The following RANGAP1 variants were observed in gnomAD, a reference collection of about 807,000 sequenced individuals.
The protein encoded by RANGAP1 is Ran GTPase activating protein 1, also known as ran GTPase-activating protein 1.
A neutral mutation model predicts 63.5 loss-of-function variants in RANGAP1; 38 were observed. That is an observed-to-expected ratio of 0.60 (90% CI 0.46 to 0.78). The LOEUF is 0.78. Among genes scored for constraint, RANGAP1 ranks in the 30% least tolerant of loss-of-function variants. The probability of loss-of-function intolerance (pLI) is 0.00; values close to 1 mark genes in which losing one functional copy is unlikely to be tolerated. For synonymous variants in RANGAP1, 329 were observed against 310.5 expected (o/e 1.06, Z -0.63); for missense variants, 630 against 740.3 (o/e 0.85, Z 1.73).
upstream of RANGAP1, among the ~76,000 whole-genome samples, chr22:41,290,325 G>T (rs891074536): frequency 6.6e-6 from 1 of 150,862 alleles, no homozygotes; most frequent in Non-Finnish European, 1.5e-5. Flanking sequence ...TGCCTCCCGG[G>T]TTCAAACGAT....
At chr22:41,285,680 C>G (rs927925365) in intron 1 of RANGAP1, 1 of 985,238 alleles carries the variant, frequency 1.0e-6, no homozygotes, top group South Asian at 4.7e-5. Context: ...TCTGGAATCC[C>G]CGGCGGACTC....
chr22:41,278,357 C>T (rs1054248381), intron 2 of RANGAP1, among the ~76,000 whole-genome samples: 6 of 152,112 alleles, frequency 3.9e-5, no homozygotes, highest in Non-Finnish European at 8.8e-5. Flanking sequence ...AGTTCTAATC[C>T]CAGCTCTACT....
Position 41,258,088 on chromosome 22 carries a change from C to T in RANGAP1, c.634G>A (p.Glu212Lys), listed in dbSNP as rs1418857131. The T allele has an allele frequency of 1.2e-6, 2 of 1,609,794 alleles. No homozygotes were observed. The highest frequency in any genetic ancestry group is 2.7e-5 in the African/African-American group (2 of 74,850). The change falls in exon 7 of 16, where the codon GAG (glutamate) becomes AAG (lysine). Residue 212 changes from glutamate to lysine, a missense_variant. Glu to Lys is a moderately conservative substitution (Grantham distance 56). This residue lies in a region of RANGAP1 where 137 missense variants were observed against 214.3 expected (regional missense o/e 0.64). Coordinates refer to ENST00000356244, the MANE Select transcript of RANGAP1 (RefSeq NM_002883.4). Reference protein sequence around the residue: ...EAFRVIGTLEEVHMPQNGINH... With the variant: ...EAFRVIGTLEKVHMPQNGINH... ...ATCCCATTCTGTGGCATGTGGACCT[C>T]CTCCAGGGTCCCGATGACCTGTGAA...
chr22:41,246,736 G>A, intron 15 of RANGAP1, 64 bp from the exon 16 acceptor site: 1 of 1,412,586 alleles, frequency 7.1e-7, no homozygotes, highest in Non-Finnish European at 9.8e-7. Flanking sequence ...AAGTGTGGGG[G>A]CCATTTTGGT....
chr22:41,274,085 A>G (rs983218985), intron 3 of RANGAP1, among the ~76,000 whole-genome samples: 1 of 152,166 alleles, frequency 6.6e-6, no homozygotes, highest in Non-Finnish European at 1.5e-5. Context: ...CTCAAAAAAC[A>G]AAAAAAGAGA....
In RANGAP1 at chr22:41,256,004, C is replaced by T. The variant is rs770051659; in HGVS notation, c.1073+17G>A. On this transcript the variant is annotated intron_variant, in intron 10 of 15. Coordinates refer to ENST00000356244, the MANE Select transcript of RANGAP1 (RefSeq NM_002883.4). Reference sequence around the variant, plus strand: ...ATGGCCTGACCCCGACCTCTGGGGCCACCCCGAGTTCCCTACCTGAGGGAC... The same window carrying T: ...ATGGCCTGACCCCGACCTCTGGGGCTACCCCGAGTTCCCTACCTGAGGGAC... The T allele has an allele frequency of 6.2e-7, 1 of 1,610,826 alleles. No individual in the cohort carries two copies. The highest frequency in any genetic ancestry group is 8.5e-7 in the Non-Finnish European group (1 of 1,179,112).
chr22:41,278,274 G>C (rs1236698909), intron 2 of RANGAP1, among the ~76,000 whole-genome samples: 1 of 152,024 alleles, frequency 6.6e-6, no homozygotes, highest in Non-Finnish European at 1.5e-5. Flanking sequence ...CCTGACCTCA[G>C]GTGATCTGCC....
chr22:41,256,989 C>G (rs1322595738), intron 7 of RANGAP1, among the ~76,000 whole-genome samples, 165 bp from the exon 8 acceptor site: 1 of 151,922 alleles, frequency 6.6e-6, no homozygotes. Context: ...CTCTGGGCCC[C>G]TGGCCAAACC....
At position 41,274,504 on chromosome 22, in the gene RANGAP1, G is replaced by A. The variant is rs1391564724; in HGVS notation, c.240+96C>T. Reference sequence around the variant, plus strand: ...TGCTTGGGGTACAGCCACACAGGCAGGGGCCTGGAAGAGACTGGACACAGG... The same window carrying A: ...TGCTTGGGGTACAGCCACACAGGCAAGGGCCTGGAAGAGACTGGACACAGG... On this transcript the variant is annotated intron_variant, in intron 3 of 15. Transcript: ENST00000356244. The A allele has an allele frequency of 1.1e-5, 17 of 1,535,460 alleles. No individual in the cohort carries two copies. The Admixed American group carries it at 3.2e-4, about 28-fold the overall frequency.
the RANGAP1 span, among the ~76,000 whole-genome samples, chr22:41,293,338 G>T: frequency 2.6e-5 from 4 of 152,028 alleles, no homozygotes; most frequent in African/African-American, 9.7e-5. Context: ...CTTGAGCCCA[G>T]GAGTTGAAGG....
At chr22:41,277,576 CTTCT>C in intron 2 of RANGAP1, 2 of 1,073,906 alleles carry the variant, frequency 1.9e-6, no homozygotes, top group Non-Finnish European at 2.5e-6. Context: ...TGAACTTGAC[CTTCT>C]GGTCAAGAAG....
rs964838317 is a variant in RANGAP1, at chr22:41,246,233, C to T, written c.*370G>A. The T allele has an allele frequency of 6.1e-4, 119 of 194,274 alleles. No individual in the cohort carries two copies. Among genetic ancestry groups the T allele is most frequent in the Admixed American group, 1.6e-3 (28 of 17,886 alleles). 12.0% of individuals were successfully genotyped at this position (194,274 alleles called of 1,614,324 possible). A position where few individuals can be genotyped will look rare whatever the true frequency, so the allele number is the denominator to read the frequency against. ...CTGGGTTCTGGCTCCGCCAGGGAGCCGGGCCGGAAGGCAGGTGGGTGGGGA... is the reference window on the plus strand; with the variant it reads ...CTGGGTTCTGGCTCCGCCAGGGAGCTGGGCCGGAAGGCAGGTGGGTGGGGA... On this transcript the variant is annotated 3_prime_UTR_variant, in exon 16 of 16. Coordinates refer to ENST00000356244, the MANE Select transcript of RANGAP1 (RefSeq NM_002883.4).
intron 1 of RANGAP1, among the ~76,000 whole-genome samples, chr22:41,283,971 G>A (rs564612533): frequency 9.3e-4 from 142 of 152,322 alleles, no homozygotes; most frequent in Non-Finnish European, 1.4e-3. Context: ...GGCCAGGGCC[G>A]GGCGCAAAGG....
chr22:41,301,560 C>G, the RANGAP1 span: 1 of 152,296 alleles, frequency 6.6e-6, no homozygotes, highest in South Asian at 2.1e-4. Context: ...CCGCGAGCGG[C>G]CAGCCGAGGG....
rs914822058 is a variant in RANGAP1, at chr22:41,245,241, G to C, written c.*1362C>G. On this transcript the variant is annotated 3_prime_UTR_variant, in exon 16 of 16. Transcript: ENST00000356244. ...GACTTCTTGGAGGCCGTTTGTGGGG[G>C]ACATGGGCTCCCAAAGCACATACAT... Among the ~76,000 whole-genome samples the C allele has an allele frequency of 6.6e-6, 1 of 152,214 alleles. No individual in the cohort carries two copies. The highest frequency in any genetic ancestry group is 2.4e-5 in the African/African-American group (1 of 41,460).
chr22:41,288,920 A>ATTT (rs10657576), upstream of RANGAP1, among the ~76,000 whole-genome samples: 317 of 111,064 alleles, frequency 2.9e-3, 13 homozygotes, highest in Non-Finnish European at 3.7e-3. Context: ...CTATATCCTG[A>ATTT]TTTTTTTTTT....
At chr22:41,281,517 T>C (rs772234957) in intron 1 of RANGAP1, 1 of 991,228 alleles carries the variant, frequency 1.0e-6, no homozygotes, top group African/African-American at 1.7e-5. Flanking sequence ...AGGACACAGA[T>C]GGCTATGGGA....
intron 2 of RANGAP1, among the ~76,000 whole-genome samples, chr22:41,275,280 C>T (rs1380914334): frequency 6.6e-6 from 1 of 152,056 alleles, no homozygotes; most frequent in Non-Finnish European, 1.5e-5. Context: ...ATTGCTTGAG[C>T]CCAGGAGTTT....
intron 5 of RANGAP1, 84 bp downstream of exon 5, chr22:41,264,580 G>T: frequency 6.9e-7 from 1 of 1,449,482 alleles, no homozygotes. Flanking sequence ...ATCCCAGATG[G>T]TGGTGGCCAA....
Sources: gnomAD v4.1 joint callset for allele counts (sites outside exome capture counted in the v4.1 genomes callset) on GRCh38, gnomAD v4.1.1 for gene constraint, gnomAD v4.1.1 regional missense constraint, MANE v1.5 for transcripts, NCBI Gene and HGNC (gene_info 2026-07-23, HGNC 2026-07-21) for gene names.